The following ROBO1 variants were observed in gnomAD, a reference collection of about 807,000 sequenced individuals.
ROBO1 encodes roundabout guidance receptor 1.
In ROBO1, 149 loss-of-function variants were observed where a neutral mutation model predicts 195.9. That is an observed-to-expected ratio of 0.76 (90% CI 0.67 to 0.87). ROBO1 has a LOEUF of 0.87. Ranked by LOEUF, ROBO1 falls within the 40% of genes least tolerant of loss-of-function variation. The probability of loss-of-function intolerance (pLI) is 0.00; values close to 1 mark genes in which losing one functional copy is unlikely to be tolerated. For synonymous variants in ROBO1, 816 were observed against 733.2 expected, an observed-to-expected ratio of 1.11 and a Z score of -1.82; for missense variants, 1,933 against 2,068.3, an observed-to-expected ratio of 0.93 and a Z score of 1.27.
intron 4 of ROBO1, among the ~76,000 whole-genome samples, chr3:78,758,525 CA>C (rs5850391): frequency 0.016 from 1,338 of 85,208 alleles, 12 homozygotes; most frequent in African/African-American, 0.022. Context: ...GACCCTATCT[CA>C]AAAAAAAAAA....
chr3:79,171,983 AT>A (rs1265951804), intron 2 of ROBO1, among the ~76,000 whole-genome samples: 1 of 152,144 alleles, frequency 6.6e-6, no homozygotes, highest in African/African-American at 2.4e-5. Flanking sequence ...AATATATAAA[AT>A]ATAACACTAC....
intron 5 of ROBO1, among the ~76,000 whole-genome samples, chr3:78,741,302 C>A (rs984522720): frequency 6.6e-6 from 1 of 152,124 alleles, no homozygotes; most frequent in Non-Finnish European, 1.5e-5. Context: ...GAACTTGGTG[C>A]AATTGTCTGT....
chr3:78,779,432 A>C (rs1253929209), intron 4 of ROBO1, among the ~76,000 whole-genome samples: 1 of 152,222 alleles, frequency 6.6e-6, no homozygotes, highest in East Asian at 1.9e-4. Context: ...CAACCCCATC[A>C]AAAAGTGGGC....
At chr3:78,632,973 T>A (rs1054665478) in intron 24 of ROBO1, among the ~76,000 whole-genome samples, 7 of 152,118 alleles carry the variant, frequency 4.6e-5, no homozygotes, top group African/African-American at 1.4e-4. Flanking sequence ...TCAGAGTAAA[T>A]CTAAAAGGTA....
At chr3:79,300,689 T>C (rs1232862384) in intron 2 of ROBO1, among the ~76,000 whole-genome samples, 1 of 152,100 alleles carries the variant, frequency 6.6e-6, no homozygotes, top group Non-Finnish European at 1.5e-5. Context: ...CTGAGTCTGG[T>C]GGGGAGGTGG....
intron 4 of ROBO1, among the ~76,000 whole-genome samples, chr3:78,775,166 A>G (rs1251869097): frequency 6.6e-6 from 1 of 152,218 alleles, no homozygotes; most frequent in Non-Finnish European, 1.5e-5. Flanking sequence ...TAAACCATCC[A>G]GTGAAATGCT....
chr3:79,328,434 A>G (rs2034305048), intron 2 of ROBO1, among the ~76,000 whole-genome samples: 1 of 152,158 alleles, frequency 6.6e-6, no homozygotes, highest in Admixed American at 6.6e-5. Context: ...AATAAAATGC[A>G]TTTTAAATTC....
intron 3 of ROBO1, among the ~76,000 whole-genome samples, chr3:78,999,156 T>C (rs1476011334): frequency 1.3e-5 from 2 of 152,062 alleles, no homozygotes; most frequent in Admixed American, 6.6e-5. Flanking sequence ...AAAAAAAAGT[T>C]TGGAGATTTT....
At chr3:79,047,850 AG>A (rs1301887049) in intron 3 of ROBO1, among the ~76,000 whole-genome samples, 7 of 152,136 alleles carry the variant, frequency 4.6e-5, no homozygotes, top group African/African-American at 1.7e-4. Flanking sequence ...CAACAGAGGC[AG>A]GGTAACCATG....
At chr3:79,184,477 T>A (rs1328648848) in intron 2 of ROBO1, among the ~76,000 whole-genome samples, 2 of 152,154 alleles carry the variant, frequency 1.3e-5, no homozygotes, top group Non-Finnish European at 2.9e-5. Context: ...CTAAAGCTTG[T>A]GCTTTAGAGA....
intron 2 of ROBO1, among the ~76,000 whole-genome samples, chr3:79,163,156 C>A (rs141505820): frequency 2.0e-4 from 30 of 152,094 alleles, no homozygotes; most frequent in Middle Eastern, 3.4e-3. Context: ...AATTCTGTAC[C>A]CACTAAACAA....
At chr3:79,182,763 G>A (rs971789876) in intron 2 of ROBO1, among the ~76,000 whole-genome samples, 3 of 152,182 alleles carry the variant, frequency 2.0e-5, no homozygotes, top group African/African-American at 7.2e-5. Context: ...CTTCTCCCAC[G>A]AATGGTACCT....
At chr3:79,105,864 TG>T (rs1172933927) in intron 3 of ROBO1, among the ~76,000 whole-genome samples, 2 of 151,762 alleles carry the variant, frequency 1.3e-5, no homozygotes. Flanking sequence ...GCTCCTGCTG[TG>T]TATATAGGTT....
chr3:78,998,108 C>T (rs890772457), intron 3 of ROBO1, among the ~76,000 whole-genome samples: 38 of 152,232 alleles, frequency 2.5e-4, no homozygotes, highest in Admixed American at 2.2e-3. Context: ...CTACTCCATA[C>T]CCCATGGTTT....
chr3:79,174,391 G>C (rs1441484636), intron 2 of ROBO1, among the ~76,000 whole-genome samples: 1 of 151,880 alleles, frequency 6.6e-6, no homozygotes, highest in African/African-American at 2.4e-5. Context: ...CCACCACAAG[G>C]AAGAAACTCC....
intron 4 of ROBO1, among the ~76,000 whole-genome samples, chr3:78,866,021 A>G (rs1385214541): frequency 6.6e-6 from 1 of 152,222 alleles, no homozygotes; most frequent in African/African-American, 2.4e-5. Context: ...GGATTCAGCC[A>G]AATTCAACTG....
intron 8 of ROBO1, among the ~76,000 whole-genome samples, chr3:78,696,649 TATAC>T (rs1157069925): frequency 6.8e-6 from 1 of 146,890 alleles, no homozygotes; most frequent in Non-Finnish European, 1.5e-5. Context: ...TATATATATA[TATAC>T]ACATATATAT....
At chr3:79,524,291 T>A (rs887002640) in intron 2 of ROBO1, among the ~76,000 whole-genome samples, 2 of 151,966 alleles carry the variant, frequency 1.3e-5, no homozygotes, top group Admixed American at 1.3e-4. Context: ...AATTTTAAAA[T>A]TCCATTTAGA....
At chr3:79,106,601 C>T (rs1032883276) in intron 3 of ROBO1, among the ~76,000 whole-genome samples, 1 of 151,376 alleles carries the variant, frequency 6.6e-6, no homozygotes. Context: ...TTTGCAAACA[C>T]CTAAAGTTTC....
Sources: gnomAD v4.1 joint callset for allele counts (sites outside exome capture counted in the v4.1 genomes callset) on GRCh38, gnomAD v4.1.1 for gene constraint, MANE v1.5 for transcripts, NCBI Gene and HGNC (gene_info 2026-07-23, HGNC 2026-07-21) for gene names.